The following STK31 variants were observed in gnomAD, a reference collection of about 807,000 sequenced individuals.
The protein encoded by STK31 is serine/threonine-protein kinase 31.
Under a neutral mutation model 129.7 loss-of-function variants are expected in STK31, and 89 were observed. The observed-to-expected ratio is 0.69, with a 90% CI of 0.58 to 0.82. The LOEUF (loss-of-function observed/expected upper bound fraction) is 0.82. STK31 is among the 40% of genes least tolerant of loss of function. STK31 has a pLI of 0.00. For synonymous variants in STK31, 448 were observed against 395.3 expected (o/e 1.13, Z -1.58); for missense variants, 1,187 against 1,176.4 (o/e 1.01, Z -0.13).
intron 8 of STK31, among the ~76,000 whole-genome samples, chr7:23,743,096 G>T (rs1287565324): frequency 6.7e-6 from 1 of 148,470 alleles, no homozygotes; most frequent in Non-Finnish European, 1.5e-5. Flanking sequence ...GGGATTATAA[G>T]GACCTGCCAC....
chr7:23,807,811 T>C (rs1792805894), intron 22 of STK31, among the ~76,000 whole-genome samples: 1 of 152,110 alleles, frequency 6.6e-6, no homozygotes. Context: ...TCCTGTCATA[T>C]TTATTCTATC....
chr7:23,756,645 A>G (rs951458943), intron 10 of STK31, among the ~76,000 whole-genome samples: 1 of 152,172 alleles, frequency 6.6e-6, no homozygotes, highest in Non-Finnish European at 1.5e-5. Flanking sequence ...AATAACTGTT[A>G]CTATTTTGAG....
At chr7:23,787,741 TACACACACACACACAC>T (rs71888376) in intron 20 of STK31, among the ~76,000 whole-genome samples, 64 of 145,638 alleles carry the variant, frequency 4.4e-4, no homozygotes, top group South Asian at 4.3e-3. Flanking sequence ...GGTATGATTG[TACACACACACACACAC>T]ACACACACAC....
intron 22 of STK31, among the ~76,000 whole-genome samples, chr7:23,797,522 A>G: frequency 6.6e-6 from 1 of 152,226 alleles, no homozygotes; most frequent in Non-Finnish European, 1.5e-5. Flanking sequence ...CTGGGTAATT[A>G]ACAAAATTAA....
chr7:23,818,222 A>T (rs536629153), intron 23 of STK31, among the ~76,000 whole-genome samples: 1 of 152,204 alleles, frequency 6.6e-6, no homozygotes, highest in South Asian at 2.1e-4. Context: ...CTTTTTCTCC[A>T]TGCCATGTAT....
intron 22 of STK31, among the ~76,000 whole-genome samples, chr7:23,794,840 A>C (rs1034808848): frequency 5.3e-5 from 8 of 152,176 alleles, no homozygotes; most frequent in African/African-American, 1.9e-4. Context: ...TGGTGGAAGA[A>C]ATTTCTAAGC....
intron 22 of STK31, among the ~76,000 whole-genome samples, chr7:23,809,805 A>G (rs1176520978): frequency 7.0e-6 from 1 of 141,888 alleles, no homozygotes; most frequent in Non-Finnish European, 1.5e-5. Context: ...GTAACATACA[A>G]TATGGGGTTG....
chr7:23,728,072 CTTTTTTTTT>C (rs56355518), intron 5 of STK31, among the ~76,000 whole-genome samples: 6 of 68,264 alleles, frequency 8.8e-5, no homozygotes, highest in South Asian at 8.8e-4. Context: ...TTGTGTTAAG[CTTTTTTTTT>C]TTTTTTTTTT....
chr7:23,774,756 G>C (rs903151646), intron 15 of STK31, among the ~76,000 whole-genome samples: 4 of 152,104 alleles, frequency 2.6e-5, no homozygotes, highest in Non-Finnish European at 4.4e-5. Flanking sequence ...AGTTTCTTTT[G>C]CTGTGCAGAA....
rs70956911 is a variant in STK31, at chr7:23,717,097, C to CTTTTTTTTTTTTTTTT, written c.151-371_151-356dup. On this transcript the variant is annotated intron_variant, in intron 3 of 23. Coordinates refer to ENST00000355870, the MANE Select transcript of STK31 (RefSeq NM_031414.5). Reference sequence around the variant, plus strand: ...TACAGGTGTGAGCCATCGCAACCTGCTTTTTTTTTTTTTTTTTTTTTTTTT... The same window carrying CTTTTTTTTTTTTTTTT: ...TACAGGTGTGAGCCATCGCAACCTGCTTTTTTTTTTTTTTTTTTTTTTTTTTTTTTTTTTTTTTTTT... 1.5e-3 allele frequency among the ~76,000 whole-genome samples: 64 copies of CTTTTTTTTTTTTTTTT among 42,934 alleles called. 2 individuals carry two copies. The highest frequency in any genetic ancestry group is 1.7e-3 in the Non-Finnish European group (41 of 23,786). 28.2% of individuals were successfully genotyped at this position (42,934 alleles called of 152,430 possible).
At chr7:23,742,393 G>C (rs1788100414) in intron 8 of STK31, among the ~76,000 whole-genome samples, 1 of 152,216 alleles carries the variant, frequency 6.6e-6, no homozygotes, top group African/African-American at 2.4e-5. Flanking sequence ...AGTGGCTGCA[G>C]CCATGTCTAT....
At chr7:23,825,236 T>C (rs1298269466) in intron 23 of STK31, among the ~76,000 whole-genome samples, 1 of 152,200 alleles carries the variant, frequency 6.6e-6, no homozygotes, top group East Asian at 1.9e-4. Flanking sequence ...CCTGGACTTT[T>C]TTTGGTTGGT....
chr7:23,829,337 A>T (rs756445159), intron 23 of STK31, among the ~76,000 whole-genome samples: 29 of 152,102 alleles, frequency 1.9e-4, no homozygotes, highest in Non-Finnish European at 4.0e-4. Context: ...TCATAAAGGG[A>T]TGTTTTAATC....
At chr7:23,787,356 T>C (rs1000199720) in intron 20 of STK31, among the ~76,000 whole-genome samples, 1 of 152,180 alleles carries the variant, frequency 6.6e-6, no homozygotes, top group South Asian at 2.1e-4. Context: ...TTTCAGTCTC[T>C]TATAGCTACT....
chr7:23,719,661 T>A (rs1216890583), intron 4 of STK31, among the ~76,000 whole-genome samples: 3 of 152,134 alleles, frequency 2.0e-5, no homozygotes, highest in African/African-American at 7.2e-5. Context: ...TACTCCCAAT[T>A]CTACCACCCC....
At chr7:23,716,087 T>C (rs1315599843) in intron 3 of STK31, among the ~76,000 whole-genome samples, 2 of 152,234 alleles carry the variant, frequency 1.3e-5, no homozygotes, top group East Asian at 3.8e-4. Context: ...TGTCTTTTTG[T>C]GTTCCAGGAT....
intron 8 of STK31, among the ~76,000 whole-genome samples, chr7:23,742,286 T>C (rs1017754568): frequency 6.6e-6 from 1 of 152,224 alleles, no homozygotes; most frequent in African/African-American, 2.4e-5. Flanking sequence ...GATCTACTTA[T>C]GTCTCAGTCT....
chr7:23,770,608 T>C (rs1790121686), intron 13 of STK31, among the ~76,000 whole-genome samples: 1 of 152,164 alleles, frequency 6.6e-6, no homozygotes, highest in South Asian at 2.1e-4. Context: ...AAGTTTCCCA[T>C]ATGAATGGCT....
intron 22 of STK31, among the ~76,000 whole-genome samples, chr7:23,801,297 T>C (rs1792352936): frequency 6.6e-6 from 1 of 152,202 alleles, no homozygotes; most frequent in African/African-American, 2.4e-5. Context: ...CTCTAATAGA[T>C]AATGATGTTG....
Sources: gnomAD v4.1 joint callset for allele counts (sites outside exome capture counted in the v4.1 genomes callset) on GRCh38, gnomAD v4.1.1 for gene constraint, MANE v1.5 for transcripts, NCBI Gene and HGNC (gene_info 2026-07-23, HGNC 2026-07-21) for gene names.